LDHB: variants seen among roughly 807,000 people sequenced by gnomAD.
The protein encoded by LDHB is lactate dehydrogenase B.
In LDHB, 18 loss-of-function variants were observed where a neutral mutation model predicts 33.4. The observed-to-expected ratio is 0.54, with a 90% CI of 0.37 to 0.80. LDHB has a LOEUF of 0.80. LDHB is among the 30% of genes least tolerant of loss of function. LDHB has a pLI of 0.00. For missense variants in LDHB, 345 were observed against 407.9 expected (o/e 0.85, Z 1.33); for synonymous variants, 121 against 140.6 (o/e 0.86, Z 0.98).
At chr12:21,650,153 T>A (rs1258399826) in intron 2 of LDHB, among the ~76,000 whole-genome samples, 2 of 105,926 alleles carry the variant, frequency 1.9e-5, no homozygotes, top group African/African-American at 8.6e-5. Flanking sequence ...CACACACACG[T>A]CTCTCTCTCC....
Position 21,638,029 on chromosome 12 carries a change from A to G in LDHB, c.713+324T>C, listed in dbSNP as rs572884555. On this transcript the variant is annotated intron_variant, in intron 6 of 7. Transcript: ENST00000350669. ...ATTTATTTGGGGCAATTATGAAACC[A>G]ATAGTTTCTAAGTTTACTTTTCTAA... Among the ~76,000 whole-genome samples the G allele has an allele frequency of 2.4e-3, 360 of 152,166 alleles. 4 individuals carry two copies. The highest frequency in any genetic ancestry group is 4.7e-3 in the Non-Finnish European group (322 of 67,914).
intron 1 of LDHB, among the ~76,000 whole-genome samples, chr12:21,655,736 A>G (rs547548514): frequency 6.6e-6 from 1 of 152,188 alleles, no homozygotes; most frequent in Non-Finnish European, 1.5e-5. Context: ...AATGTAAAAA[A>G]AAAAACAAAA....
Position 21,635,592 on chromosome 12 carries a change from T to C in LDHB, c.955A>G (p.Lys319Glu). 6.2e-7 allele frequency: 1 copy of C among 1,612,974 alleles called. No homozygotes were observed. The highest frequency in any genetic ancestry group is 8.5e-7 in the Non-Finnish European group (1 of 1,179,946). The part of the protein sequence containing the change: ...LKDDEVAQLK[K>E]SADTLWDIQK... ...ATGTCCCACAGGGTATCTGCACTTT[T>C]CTTGAGCTGAGCAACCTCATCATCC... The change falls in exon 8 of 8, where the codon AAA becomes GAA. Residue 319 changes from lysine to glutamate, a missense_variant. Coordinates refer to ENST00000350669, the MANE Select transcript of LDHB (RefSeq NM_002300.8).
At position 21,642,102 on chromosome 12, in the gene LDHB, A is replaced by C; in HGVS notation, c.445T>G (p.Trp149Gly). Residue 149 changes from tryptophan to glycine, a missense_variant, in exon 5 of 8, where the codon TGG becomes GGG. Coordinates refer to ENST00000350669, the MANE Select transcript of LDHB (RefSeq NM_002300.8). ...NPVDILTYVT[W>G]KLSGLPKHRV... is the part of the protein sequence containing the mutation. ...TGTTTGGGTAATCCACTTAGTTTCC[A>C]GGTAACATACGTAAGAATGTCCACT... 1 of 1,613,336 alleles carries C rather than the reference A, an allele frequency of 6.2e-7. No individual in the cohort carries two copies. The highest frequency in any genetic ancestry group is 8.5e-7 in the Non-Finnish European group (1 of 1,179,414).
At chr12:21,650,700 C>T (rs1938664852) in intron 2 of LDHB, among the ~76,000 whole-genome samples, 1 of 152,170 alleles carries the variant, frequency 6.6e-6, no homozygotes, top group African/African-American at 2.4e-5. Flanking sequence ...AAATCAGAAG[C>T]CATGACCAAG....
chr12:21,644,439 A>AAAAAC, intron 3 of LDHB, among the ~76,000 whole-genome samples: 1 of 4,966 alleles, frequency 2.0e-4, no homozygotes, highest in African/African-American at 2.7e-4. Context: ...AAAAAAAAAA[A>AAAAAC]AAAAAACAAA....
At chr12:21,656,398 C>T (rs1856046100) in intron 1 of LDHB, among the ~76,000 whole-genome samples, 1 of 152,096 alleles carries the variant, frequency 6.6e-6, no homozygotes, top group South Asian at 2.1e-4. Context: ...TCAGACATGG[C>T]CTGCATTTTA....
At chr12:21,648,402 T>G (rs547934980) in intron 2 of LDHB, among the ~76,000 whole-genome samples, 1 of 152,096 alleles carries the variant, frequency 6.6e-6, no homozygotes, top group African/African-American at 2.4e-5. Flanking sequence ...TCGCATCCCC[T>G]GAATACTGTA....
At position 21,638,489 on chromosome 12, in the gene LDHB, A is replaced by G; in HGVS notation, c.596-19T>C. On this transcript the variant is annotated intron_variant, in intron 5 of 7. Coordinates refer to ENST00000350669, the MANE Select transcript of LDHB (RefSeq NM_002300.8). ...ACAGCCACTGTTTAAAAAAAAAAAA[A>G]AAGACATTGCAGTTATTTCTTACAT... The G allele has an allele frequency of 7.2e-7, 1 of 1,396,202 alleles. No individual in the cohort carries two copies. The highest frequency in any genetic ancestry group is 1.0e-6 in the Non-Finnish European group (1 of 987,346). 86.5% of individuals were successfully genotyped at this position (1,396,202 alleles called of 1,614,324 possible).
At chr12:21,654,494 T>C (rs775579448) in intron 2 of LDHB, 49 bp downstream of exon 2, 3 of 1,576,254 alleles carry the variant, frequency 1.9e-6, no homozygotes, top group Non-Finnish European at 2.6e-6. Context: ...AAAGAAACTG[T>C]GTATACATGC....
chr12:21,654,347 T>A (rs1459069755), intron 2 of LDHB, 196 bp downstream of exon 2: 1 of 587,490 alleles, frequency 1.7e-6, no homozygotes, highest in Non-Finnish European at 3.0e-6. Context: ...CTATTTATGG[T>A]CACATAGGGA....
intron 3 of LDHB, among the ~76,000 whole-genome samples, chr12:21,645,422 G>T (rs1650297): frequency 0.95 from 143,717 of 152,070 alleles, 68,415 homozygotes; most frequent in East Asian, 1. Flanking sequence ...AAAGAGGAAG[G>T]CCTCTTTGCA....
intron 2 of LDHB, among the ~76,000 whole-genome samples, chr12:21,653,254 C>T (rs1363265075): frequency 6.6e-6 from 1 of 152,134 alleles, no homozygotes; most frequent in Non-Finnish European, 1.5e-5. Flanking sequence ...TGTTAAATCT[C>T]CTGATGTTGA....
rs550973939 is a variant in LDHB, at chr12:21,645,800, G to GTATGC, written c.247+1094_247+1098dup. On this transcript the variant is annotated intron_variant, in intron 3 of 7. Transcript: ENST00000350669. ...AGACTGGTGCCGGCGTGGGTCCTCC[G>GTATGC]TATGCTGAGTGCCGGTTCCCTCGGC... Among the ~76,000 whole-genome samples, 1,244 of 152,076 alleles carry GTATGC rather than the reference G, an allele frequency of 8.2e-3. 6 individuals are homozygous for GTATGC. The highest frequency in any genetic ancestry group is 0.014 in the Middle Eastern group (4 of 294).
In LDHB at chr12:21,654,691, A is replaced by C; in HGVS notation, c.-6-14T>G. On this transcript the variant is annotated splice_polypyrimidine_tract_variant and intron_variant, in intron 1 of 7. Coordinates refer to ENST00000350669, the MANE Select transcript of LDHB (RefSeq NM_002300.8). ...TGCCATTTTGCACTGCAAGGAAAGAATCAAAACATTACACGTATATCTGCA... is the reference window on the plus strand; with the variant it reads ...TGCCATTTTGCACTGCAAGGAAAGACTCAAAACATTACACGTATATCTGCA... 1 of 1,605,366 alleles carries C rather than the reference A, an allele frequency of 6.2e-7. No individual in the cohort carries two copies.
At chr12:21,653,779 T>A (rs1938758603) in intron 2 of LDHB, among the ~76,000 whole-genome samples, 1 of 152,178 alleles carries the variant, frequency 6.6e-6, no homozygotes, top group East Asian at 1.9e-4. Context: ...TTTCTGTAAA[T>A]CTGAAATCAT....
Position 21,638,458 on chromosome 12 carries a change from C to T in LDHB, c.608G>A (p.Ser203Asn), listed in dbSNP as rs770713363. ...AGAAACACCTGCCACATTCACACCA[C>T]TCCACACAGCCACTGTTTAAAAAAA... ...EHGDSSVAVW[S>N]GVNVAGVSLQ... is the part of the protein sequence containing the mutation. Residue 203 changes from serine (S) to asparagine (N), a missense_variant, in exon 6 of 8, where the codon AGT (serine) becomes AAT (asparagine). Physicochemically the swap from Ser to Asn is conservative, Grantham distance 46 (BLOSUM62 1). Transcript: ENST00000350669. 1.3e-6 allele frequency: 2 copies of T among 1,573,438 alleles called. No homozygotes were observed. The highest frequency in any genetic ancestry group is 1.7e-6 in the Non-Finnish European group (2 of 1,154,500).
In LDHB at chr12:21,641,990, C is replaced by A. The variant is rs200917173; in HGVS notation, c.557G>T (p.Cys186Phe). 8 of 1,613,460 alleles carry A rather than the reference C, an allele frequency of 5.0e-6. No homozygotes were observed. The highest frequency in any genetic ancestry group is 1.7e-4 in the Middle Eastern group (1 of 6,060). The change falls in exon 5 of 8, where the codon TGC becomes TTC. Residue 186 changes from cysteine to phenylalanine, a missense_variant. By Grantham distance (205) the Cys-to-Phe change is radical. Coordinates refer to ENST00000350669, the MANE Select transcript of LDHB (RefSeq NM_002300.8). Reference sequence around the variant, plus strand: ...ATGTTCCCCCAAAATCCATCCATGGCAGCTGCTGGGATGAATGCCAAGTTT... The same window carrying A: ...ATGTTCCCCCAAAATCCATCCATGGAAGCTGCTGGGATGAATGCCAAGTTT... ...AEKLGIHPSS[C>F]HGWILGEHGD...
At chr12:21,647,821 T>A (rs1046625261) in intron 2 of LDHB, among the ~76,000 whole-genome samples, 1 of 151,780 alleles carries the variant, frequency 6.6e-6, no homozygotes, top group Non-Finnish European at 1.5e-5. Flanking sequence ...CTCAGCCTCC[T>A]GAGTAGCTGG....
Sources: gnomAD v4.1 joint callset for allele counts (sites outside exome capture counted in the v4.1 genomes callset) on GRCh38, gnomAD v4.1.1 for gene constraint, MANE v1.5 for transcripts, NCBI Gene and HGNC (gene_info 2026-07-23, HGNC 2026-07-21) for gene names.